The following SLC9D1 variants were observed in gnomAD, a reference collection of about 807,000 sequenced individuals.
The protein encoded by SLC9D1 is putative LAG1-interacting protein.
At chr13:113,501,888 C>G in the SLC9D1 span, 1 of 1,601,776 alleles carries the variant, frequency 6.2e-7, no homozygotes, top group Non-Finnish European at 8.5e-7. Context: ...AAGGTAAGAA[C>G]AAAATTGGAT....
the SLC9D1 span, chr13:113,503,518 T>C: frequency 2.5e-6 from 4 of 1,613,376 alleles, no homozygotes; most frequent in African/African-American, 5.3e-5. Context: ...GTGGAGACAT[T>C]AGGAGAATTT....
the SLC9D1 span, among the ~76,000 whole-genome samples, chr13:113,508,113 C>G: frequency 1.3e-5 from 2 of 152,246 alleles, no homozygotes; most frequent in East Asian, 1.9e-4. Flanking sequence ...TGTCTGGACA[C>G]CTTTCTCCCA....
At chr13:113,493,551 T>TGTGTACTTAAAGTTGTACAC in the SLC9D1 span, among the ~76,000 whole-genome samples, 1 of 152,326 alleles carries the variant, frequency 6.6e-6, no homozygotes, top group African/African-American at 2.4e-5. Flanking sequence ...AGGTGGTAAA[T>TGTGTACTTAAAGTTGTACAC]GTGTACTTAA....
the SLC9D1 span, chr13:113,527,466 C>G: frequency 1.3e-5 from 2 of 152,228 alleles, no homozygotes; most frequent in Admixed American, 6.5e-5. Flanking sequence ...GGTGGTGGCT[C>G]TCCTCATCCA....
At chr13:113,511,893 G>A in the SLC9D1 span, 1 of 152,230 alleles carries the variant, frequency 6.6e-6, no homozygotes, top group Non-Finnish European at 1.5e-5. Flanking sequence ...ATCAGTGCAC[G>A]GTGTATATAC....
At chr13:113,520,631 GCA>G in the SLC9D1 span, 1 of 1,613,632 alleles carries the variant, frequency 6.2e-7, no homozygotes, top group Non-Finnish European at 8.5e-7. Context: ...ATTGACTACA[GCA>G]CCGTGCTCCT....
chr13:113,505,358 G>T, the SLC9D1 span: 3 of 152,166 alleles, frequency 2.0e-5, no homozygotes, highest in African/African-American at 7.2e-5. Context: ...CCAAAGGAAA[G>T]AATCAAACAT....
At chr13:113,509,768 C>T in the SLC9D1 span, among the ~76,000 whole-genome samples, 1 of 152,178 alleles carries the variant, frequency 6.6e-6, no homozygotes, top group East Asian at 1.9e-4. Context: ...TTGAAGCGTG[C>T]TTTCTTCCAC....
chr13:113,520,463 G>A, the SLC9D1 span: 13 of 512,186 alleles, frequency 2.5e-5, no homozygotes, highest in Admixed American at 6.7e-5. Context: ...CAGCCTGGGC[G>A]ACAGAGCAAA....
chr13:113,520,502 A>AT, the SLC9D1 span: 3 of 716,140 alleles, frequency 4.2e-6, no homozygotes, highest in Non-Finnish European at 6.8e-6. Flanking sequence ...AAAAAAAAAA[A>AT]GTAAAGTGCC....
chr13:113,549,079 T>C, the SLC9D1 span, among the ~76,000 whole-genome samples: 1 of 152,220 alleles, frequency 6.6e-6, no homozygotes, highest in South Asian at 2.1e-4. Flanking sequence ...GCTGTTATCC[T>C]GTGGCCCATC....
chr13:113,544,166 A>C, the SLC9D1 span, among the ~76,000 whole-genome samples: 21 of 152,288 alleles, frequency 1.4e-4, no homozygotes, highest in East Asian at 4.1e-3. Context: ...CAGGTCAGCC[A>C]CAGCCACAGC....
At chr13:113,512,088 CAG>C in the SLC9D1 span, 136 of 136,342 alleles carry the variant, frequency 1.0e-3, no homozygotes, top group African/African-American at 3.6e-3. Context: ...CTTGGAGTCT[CAG>C]GGGCCGGGAC....
At chr13:113,537,712 C>T in the SLC9D1 span, among the ~76,000 whole-genome samples, 3 of 152,280 alleles carry the variant, frequency 2.0e-5, no homozygotes, top group Admixed American at 6.5e-5. Context: ...TGTCAGTGAG[C>T]GTTCTGCTGT....
At chr13:113,518,292 C>T in the SLC9D1 span, among the ~76,000 whole-genome samples, 20 of 152,174 alleles carry the variant, frequency 1.3e-4, no homozygotes, top group Admixed American at 3.3e-4. Flanking sequence ...AGCAGTGTTT[C>T]CTGCGCAGGC....
chr13:113,542,504 C>T, the SLC9D1 span, among the ~76,000 whole-genome samples: 1 of 152,238 alleles, frequency 6.6e-6, no homozygotes, highest in Non-Finnish European at 1.5e-5. Flanking sequence ...CTGGTGCCCA[C>T]ACAGGGCAAG....
chr13:113,549,924 A>G, the SLC9D1 span: 2 of 486,088 alleles, frequency 4.1e-6, no homozygotes, highest in African/African-American at 2.0e-5. Context: ...GTACAACTTC[A>G]GAATTATAAT....
the SLC9D1 span, chr13:113,549,511 C>T: frequency 6.2e-7 from 1 of 1,614,102 alleles, no homozygotes; most frequent in East Asian, 2.2e-5. Flanking sequence ...GGTGTGTGCC[C>T]AGACCGGAGA....
chr13:113,503,654 A>G, the SLC9D1 span: 35 of 913,250 alleles, frequency 3.8e-5, no homozygotes, highest in Non-Finnish European at 5.6e-5. Context: ...TGGTTCATAC[A>G]CTTTTAACAC....
Sources: gnomAD v4.1 joint callset for allele counts (sites outside exome capture counted in the v4.1 genomes callset) on GRCh38, gnomAD v4.1.1 for gene constraint, MANE v1.5 for transcripts, NCBI Gene and HGNC (gene_info 2026-07-23, HGNC 2026-07-21) for gene names.